The following FRMD5 variants were observed in gnomAD, a reference collection of about 807,000 sequenced individuals.
FRMD5 encodes the protein FERM domain-containing protein 5.
FRMD5 carries 20 observed loss-of-function variants against 69.0 expected under a neutral mutation model. The observed-to-expected ratio is 0.29, with a 90% CI of 0.20 to 0.42. The LOEUF (loss-of-function observed/expected upper bound fraction) is 0.42, where lower values mean the gene tolerates loss of function less well. Ranked by LOEUF, FRMD5 falls within the 10% of genes least tolerant of loss-of-function variation. The pLI is 1.00. For missense variants in FRMD5, 595 were observed against 708.6 expected (o/e 0.84, Z 1.82); for synonymous variants, 271 against 260.1 (o/e 1.04, Z -0.40).
chr15:44,061,407 G>T (rs1305263699), intron 1 of FRMD5, among the ~76,000 whole-genome samples: 2 of 152,164 alleles, frequency 1.3e-5, no homozygotes, highest in Non-Finnish European at 2.9e-5. Context: ...CAGTCCTAAA[G>T]AAAAGTGTAG....
intron 1 of FRMD5, chr15:43,989,055 G>A (rs1231717358): frequency 1.2e-6 from 1 of 862,474 alleles, no homozygotes; most frequent in Non-Finnish European, 2.0e-6. Flanking sequence ...CTAAGTCACA[G>A]TCCGCCTAGA....
intron 1 of FRMD5, among the ~76,000 whole-genome samples, chr15:44,149,743 T>C (rs955446572): frequency 6.6e-6 from 1 of 152,004 alleles, no homozygotes; most frequent in Admixed American, 6.5e-5. Flanking sequence ...ACCATCAAAA[T>C]ATATAAAGCA....
In FRMD5 at chr15:44,055,465, C is replaced by T. The variant is rs546504499; in HGVS notation, c.103-131156G>A. ...CACTATCCTCAGCTACTAAGAGGATCTCATTTGCTTGTTGAAGCCCTGTAA... is the reference window on the plus strand; with the variant it reads ...CACTATCCTCAGCTACTAAGAGGATTTCATTTGCTTGTTGAAGCCCTGTAA... On this transcript the variant is annotated intron_variant, in intron 1 of 13. Coordinates refer to ENST00000417257, the MANE Select transcript of FRMD5 (RefSeq NM_032892.5). Among the ~76,000 whole-genome samples the T allele has an allele frequency of 3.7e-4, 56 of 152,298 alleles. No homozygotes were observed. The East Asian group carries it at 3.9e-3, about 10-fold the overall frequency.
At position 44,055,562 on chromosome 15, in the gene FRMD5, T is replaced by C. The variant is rs144505335; in HGVS notation, c.103-131253A>G. Among the ~76,000 whole-genome samples the C allele has an allele frequency of 4.1e-3, 629 of 152,306 alleles. 6 individuals carry two copies. The highest frequency in any genetic ancestry group is 0.014 in the African/African-American group (587 of 41,570). ...TTACTATGCAATGCATTTTAAAACATTGAAAATAAATTAAAAATCAAGTCC... is the reference window on the plus strand; with the variant it reads ...TTACTATGCAATGCATTTTAAAACACTGAAAATAAATTAAAAATCAAGTCC... On this transcript the variant is annotated intron_variant, in intron 1 of 13. Coordinates refer to ENST00000417257, the MANE Select transcript of FRMD5 (RefSeq NM_032892.5).
Position 43,974,932 on chromosome 15 carries a change from T to C in FRMD5, c.103-50623A>G, listed in dbSNP as rs192937619. On this transcript the variant is annotated intron_variant, in intron 1 of 13. Coordinates refer to ENST00000417257, the MANE Select transcript of FRMD5 (RefSeq NM_032892.5). ...GGCTTCTGACAATCATCTCCCAGAG[T>C]TGTTGAGCAATTTGCCAAGTTGCCT... 3.3e-5 allele frequency among the ~76,000 whole-genome samples: 5 copies of C among 152,094 alleles called. No homozygotes were observed. The East Asian group carries it at 9.7e-4, about 29-fold the overall frequency.
At chr15:44,067,103 G>A (rs542113383) in intron 1 of FRMD5, among the ~76,000 whole-genome samples, 1 of 151,622 alleles carries the variant, frequency 6.6e-6, no homozygotes, top group African/African-American at 2.4e-5. Flanking sequence ...TCAAAAGAAA[G>A]AGAGTATAAA....
intron 1 of FRMD5, among the ~76,000 whole-genome samples, chr15:43,957,624 A>T (rs571648226): frequency 6.6e-6 from 1 of 152,376 alleles, no homozygotes; most frequent in South Asian, 2.1e-4. Context: ...GTATTCAGAC[A>T]TTTGTATTAC....
intron 10 of FRMD5, 93 bp downstream of exon 10, chr15:43,888,082 C>T (rs1320062257): frequency 5.3e-6 from 5 of 947,066 alleles, no homozygotes; most frequent in East Asian, 2.5e-5. Context: ...CCAGCTACCC[C>T]GCCCCAAGTT....
intron 1 of FRMD5, among the ~76,000 whole-genome samples, chr15:44,107,925 T>C (rs569325149): frequency 1.3e-5 from 2 of 152,274 alleles, no homozygotes; most frequent in East Asian, 3.9e-4. Context: ...CCATATGCCT[T>C]TGGTCCTTTC....
chr15:43,978,415 C>A (rs2090497680), intron 1 of FRMD5, among the ~76,000 whole-genome samples: 1 of 152,132 alleles, frequency 6.6e-6, no homozygotes, highest in South Asian at 2.1e-4. Context: ...ATAATGGTTA[C>A]TAATCAGGGA....
chr15:43,940,194 A>G (rs943720661), intron 1 of FRMD5, among the ~76,000 whole-genome samples: 3 of 152,128 alleles, frequency 2.0e-5, no homozygotes, highest in African/African-American at 4.8e-5. Context: ...AAACAACAAC[A>G]ACGACAAAAG....
chr15:43,875,372 A>ATG (rs2088311458), intron 13 of FRMD5, among the ~76,000 whole-genome samples: 1 of 132,908 alleles, frequency 7.5e-6, no homozygotes, highest in Non-Finnish European at 1.6e-5. Flanking sequence ...AAATATATAT[A>ATG]TATATATATA....
chr15:44,006,797 T>C (rs1225258288), intron 1 of FRMD5, among the ~76,000 whole-genome samples: 4 of 152,224 alleles, frequency 2.6e-5, no homozygotes, highest in African/African-American at 7.2e-5. Flanking sequence ...AGAAAGTGGT[T>C]TCTTGAGATG....
At chr15:44,061,468 C>T (rs1405334876) in intron 1 of FRMD5, among the ~76,000 whole-genome samples, 1 of 152,156 alleles carries the variant, frequency 6.6e-6, no homozygotes, top group Non-Finnish European at 1.5e-5. Flanking sequence ...TAAAGGGCGG[C>T]CAGTGGTCTC....
At chr15:44,169,550 C>T (rs965199908) in intron 1 of FRMD5, among the ~76,000 whole-genome samples, 1 of 152,136 alleles carries the variant, frequency 6.6e-6, no homozygotes, top group African/African-American at 2.4e-5. Flanking sequence ...AATATTCAGG[C>T]ACATCTCTCT....
At chr15:43,987,791 C>T (rs1197542993) in intron 1 of FRMD5, among the ~76,000 whole-genome samples, 5 of 152,088 alleles carry the variant, frequency 3.3e-5, no homozygotes, top group Non-Finnish European at 7.4e-5. Flanking sequence ...CTTAAGTGAT[C>T]CCACCTGCCT....
At chr15:43,959,137 A>C (rs2090159042) in intron 1 of FRMD5, among the ~76,000 whole-genome samples, 1 of 152,180 alleles carries the variant, frequency 6.6e-6, no homozygotes, top group Non-Finnish European at 1.5e-5. Flanking sequence ...CTCTCCTTGG[A>C]CCTCATAGCT....
chr15:44,001,547 T>TAA (rs1234401613), intron 1 of FRMD5, among the ~76,000 whole-genome samples: 1 of 152,178 alleles, frequency 6.6e-6, no homozygotes, highest in East Asian at 1.9e-4. Context: ...GTCTTATGTT[T>TAA]AAATCTTTAA....
At chr15:43,886,585 G>A (rs918233956) in intron 10 of FRMD5, among the ~76,000 whole-genome samples, 1 of 152,142 alleles carries the variant, frequency 6.6e-6, no homozygotes, top group Non-Finnish European at 1.5e-5. Context: ...GGTGCCTATG[G>A]TACTGATCCA....
Sources: gnomAD v4.1 joint callset for allele counts (sites outside exome capture counted in the v4.1 genomes callset) on GRCh38, gnomAD v4.1.1 for gene constraint, MANE v1.5 for transcripts, NCBI Gene and HGNC (gene_info 2026-07-23, HGNC 2026-07-21) for gene names.